The following NFAT5 variants were observed in gnomAD, a reference collection of about 807,000 sequenced individuals.
NFAT5 encodes nuclear factor of activated T-cells 5.
A neutral mutation model predicts 166.5 loss-of-function variants in NFAT5; 31 were observed. The observed-to-expected ratio is 0.19, with a 90% CI of 0.14 to 0.25. The LOEUF is 0.25. NFAT5 is among the 10% of genes least tolerant of loss of function. The pLI, the probability that NFAT5 is intolerant of heterozygous loss-of-function variation, is 1.00. For missense variants in NFAT5, 1,449 were observed against 1,821.8 expected (o/e 0.80, Z 3.72); for synonymous variants, 612 against 639.7 (o/e 0.96, Z 0.65).
At chr16:69,652,413 C>T (rs1262439534) in intron 4 of NFAT5, among the ~76,000 whole-genome samples, 2 of 148,804 alleles carry the variant, frequency 1.3e-5, no homozygotes, top group East Asian at 2.0e-4. Flanking sequence ...GATTGTGCCA[C>T]TGCACTCCAG....
At chr16:69,576,024 C>G (rs1043863173) in intron 2 of NFAT5, among the ~76,000 whole-genome samples, 12 of 151,764 alleles carry the variant, frequency 7.9e-5, no homozygotes, top group Non-Finnish European at 1.5e-4. Flanking sequence ...CATTTGAGGC[C>G]GGGCTCGGTG....
intron 2 of NFAT5, among the ~76,000 whole-genome samples, chr16:69,595,829 C>G (rs544696270): frequency 1.3e-5 from 2 of 151,100 alleles, no homozygotes; most frequent in East Asian, 3.9e-4. Context: ...TACTTGAACA[C>G]AAACACTGTG....
chr16:69,590,850 GTCT>G (rs1184170948), intron 2 of NFAT5, among the ~76,000 whole-genome samples: 1 of 152,184 alleles, frequency 6.6e-6, no homozygotes, highest in Non-Finnish European at 1.5e-5. Context: ...AATCTTTCAG[GTCT>G]TCTAACTCAA....
chr16:69,635,459 A>G (rs1473957081), intron 3 of NFAT5, among the ~76,000 whole-genome samples: 2 of 152,074 alleles, frequency 1.3e-5, no homozygotes, highest in African/African-American at 4.8e-5. Flanking sequence ...TATGTGGGCC[A>G]TGGGATATAC....
intron 2 of NFAT5, among the ~76,000 whole-genome samples, chr16:69,584,864 G>C (rs1197333792): frequency 6.6e-6 from 1 of 151,910 alleles, no homozygotes; most frequent in Non-Finnish European, 1.5e-5. Context: ...CTTTAAGTAG[G>C]TAAATTGTAT....
chr16:69,623,394 C>G (rs2034291748), intron 2 of NFAT5, among the ~76,000 whole-genome samples: 1 of 150,820 alleles, frequency 6.6e-6, no homozygotes, highest in Non-Finnish European at 1.5e-5. Flanking sequence ...GTGGCACGAT[C>G]TCGACTCACT....
intron 3 of NFAT5, among the ~76,000 whole-genome samples, chr16:69,630,935 A>T (rs973777420): frequency 1.3e-5 from 2 of 152,160 alleles, no homozygotes; most frequent in African/African-American, 4.8e-5. Flanking sequence ...AAATTTACTT[A>T]ATTTATTTAA....
rs755321383 is a variant in NFAT5 at position 69,692,016 on chromosome 16, A to G, written c.2191A>G (p.Thr731Ala). 20 of 1,614,064 alleles carry G rather than the reference A, an allele frequency of 1.2e-5. No homozygotes were observed. In the African/African-American group the frequency reaches 2.7e-4, roughly 22 times the overall value. Residue 731 changes from threonine (T) to alanine (A), a missense_variant, in exon 13 of 15, where the codon ACA becomes GCA. Transcript: ENST00000349945. ...ATTGCAGCAGGCTACACAGTTTCAG[A>G]CAAGAGAAACTCAGTCTAGAGAGAT... ...ALLQQATQFQ[T>A]RETQSREILQ...
At chr16:69,649,095 C>A (rs2035566863) in intron 4 of NFAT5, 1 of 862,638 alleles carries the variant, frequency 1.2e-6, no homozygotes, top group African/African-American at 1.8e-5. Context: ...TTAATAAAAT[C>A]AAGAATTTCA....
intron 1 of NFAT5, 75 bp from the exon 2 acceptor site, chr16:69,568,420 A>C: frequency 5.2e-6 from 5 of 965,356 alleles, no homozygotes; most frequent in Non-Finnish European, 8.1e-6. Flanking sequence ...CAGTTATATA[A>C]GAGATGTATG....
rs1169263089 is a variant in NFAT5 at position 69,696,819 on chromosome 16, A to G, written c.*468A>G. 1 of 152,596 alleles carries G rather than the reference A, an allele frequency of 6.6e-6. No individual in the cohort carries two copies. The highest frequency in any genetic ancestry group is 2.4e-5 in the African/African-American group (1 of 41,460). 9.5% of individuals were successfully genotyped at this position (152,596 alleles called of 1,614,324 possible). On this transcript the variant is annotated 3_prime_UTR_variant, in exon 15 of 15. Coordinates refer to ENST00000349945, the MANE Select transcript of NFAT5 (RefSeq NM_138713.4). ...AACTAAGGCTGTGATTTTTTTCAAT[A>G]TAAAAGGCACAGCTGTTGGCCAAAG...
At chr16:69,631,531 G>A (rs2034718222) in intron 3 of NFAT5, among the ~76,000 whole-genome samples, 1 of 152,050 alleles carries the variant, frequency 6.6e-6, no homozygotes, top group Admixed American at 6.5e-5. Context: ...TTTTTGCATA[G>A]CTTCATAATA....
intron 2 of NFAT5, among the ~76,000 whole-genome samples, chr16:69,608,501 A>G (rs2033534658): frequency 6.6e-6 from 1 of 152,192 alleles, no homozygotes; most frequent in Non-Finnish European, 1.5e-5. Context: ...TCACGCCTGT[A>G]ATCCCAGCAC....
At chr16:69,682,629 TAAG>T (rs1469504299) in intron 10 of NFAT5, among the ~76,000 whole-genome samples, 6 of 151,732 alleles carry the variant, frequency 4.0e-5, no homozygotes, top group Admixed American at 1.3e-4. Flanking sequence ...AAAAAAATAA[TAAG>T]AAGAATTTAA....
At chr16:69,667,381 GTA>G (rs1440714785) in intron 7 of NFAT5, among the ~76,000 whole-genome samples, 1 of 151,300 alleles carries the variant, frequency 6.6e-6, no homozygotes, top group Non-Finnish European at 1.5e-5. Context: ...TAACAAAACT[GTA>G]TAATATGTGG....
intron 3 of NFAT5, among the ~76,000 whole-genome samples, chr16:69,643,217 C>CA (rs34260614): frequency 0.28 from 24,907 of 88,586 alleles, 2,729 homozygotes; most frequent in East Asian, 0.52. Flanking sequence ...GAGTCCCTCT[C>CA]AAAAAAAAAA....
At chr16:69,673,965 C>T (rs2036728356) in intron 9 of NFAT5, among the ~76,000 whole-genome samples, 1 of 151,874 alleles carries the variant, frequency 6.6e-6, no homozygotes, top group Non-Finnish European at 1.5e-5. Context: ...TAAATATTGC[C>T]AGGCGTGTGG....
rs2036023941 is a variant in NFAT5, at chr16:69,659,273, C to T, written c.1197-454C>T. ...CCTGGCCAACATGGTGTAACCCCAT[C>T]TTTACTAAAAATACAAAAAATAGTT... On this transcript the variant is annotated intron_variant, in intron 6 of 14. Coordinates refer to ENST00000349945, the MANE Select transcript of NFAT5 (RefSeq NM_138713.4). Among the ~76,000 whole-genome samples the T allele has an allele frequency of 2.6e-5, 4 of 151,942 alleles. No homozygotes were observed. The South Asian group carries it at 8.3e-4, about 32-fold the overall frequency.
intron 3 of NFAT5, among the ~76,000 whole-genome samples, chr16:69,633,657 A>G (rs1167175821): frequency 6.6e-6 from 1 of 152,218 alleles, no homozygotes; most frequent in Non-Finnish European, 1.5e-5. Flanking sequence ...AGTAAGACAG[A>G]GGATAGATAA....
Sources: gnomAD v4.1 joint callset for allele counts (sites outside exome capture counted in the v4.1 genomes callset) on GRCh38, gnomAD v4.1.1 for gene constraint, MANE v1.5 for transcripts, NCBI Gene and HGNC (gene_info 2026-07-23, HGNC 2026-07-21) for gene names.